BAZ1B: variants seen among roughly 807,000 people sequenced by gnomAD.
The protein encoded by BAZ1B is bromodomain adjacent to zinc finger domain 1B.
A neutral mutation model predicts 153.8 loss-of-function variants in BAZ1B; 22 were observed. The ratio of observed to expected loss-of-function variants is 0.14; its 90% CI spans 0.10 to 0.20. BAZ1B has a LOEUF of 0.20. Among genes scored for constraint, BAZ1B ranks in the 10% least tolerant of loss-of-function variants. BAZ1B has a pLI of 1.00. For missense variants in BAZ1B, 1,325 were observed against 1,799.3 expected (o/e 0.74, Z 4.77); for synonymous variants, 676 against 633.4 (o/e 1.07, Z -1.01).
At position 73,442,328 on chromosome 7, in the gene BAZ1B, C is replaced by T. The variant is rs1011614418; in HGVS notation, c.4320G>A (p.Leu1440=). The T allele has an allele frequency of 5.6e-6, 9 of 1,614,064 alleles. No individual in the cohort carries two copies. Among genetic ancestry groups the T allele is most frequent in the Middle Eastern group, 1.6e-4 (1 of 6,084 alleles). The change falls in exon 19 of 20, where the codon TTG becomes TTA. Residue 1440 remains leucine, a synonymous_variant. Coordinates refer to ENST00000339594, the MANE Select transcript of BAZ1B (RefSeq NM_032408.4). ...ATGGGTGGCCAGGAAGGTGTTTATG[C>T]AACAGAGCCACTAGACACTGTTCTG... ...VKTEQCLVAL[L]HKHLPGHPYV... is the part of the protein sequence containing the mutation.
At chr7:73,456,521 C>A (rs1185530770) in intron 13 of BAZ1B, among the ~76,000 whole-genome samples, 2 of 152,018 alleles carry the variant, frequency 1.3e-5, no homozygotes, top group Non-Finnish European at 2.9e-5. Context: ...ATAAGGTAGA[C>A]AAATGGACAA....
At chr7:73,503,693 T>C (rs782165326) in intron 3 of BAZ1B, among the ~76,000 whole-genome samples, 1 of 152,164 alleles carries the variant, frequency 6.6e-6, no homozygotes, top group Non-Finnish European at 1.5e-5. Context: ...CTCAAACATT[T>C]CTTCTTTCAC....
Position 73,450,720 on chromosome 7 carries a change from G to C in BAZ1B, c.3580+127C>G. On this transcript the variant is annotated intron_variant, in intron 14 of 19. Transcript: ENST00000339594. This position sits in a 1 kb window ranked among gnomAD's most constrained non-coding sequence, Gnocchi z 4.1. ...AGACTGGCATGTTACAGACCTGCAG[G>C]AGAGTAAAATCTATACCACACTTAT... 2 of 1,103,352 alleles carry C rather than the reference G, an allele frequency of 1.8e-6. No individual in the cohort carries two copies. The highest frequency in any genetic ancestry group is 2.6e-6 in the Non-Finnish European group (2 of 770,672). 68.3% of individuals were successfully genotyped at this position (1,103,352 alleles called of 1,614,324 possible).
At chr7:73,472,691 C>T (rs1003543042) in intron 7 of BAZ1B, among the ~76,000 whole-genome samples, 5 of 152,212 alleles carry the variant, frequency 3.3e-5, no homozygotes, top group South Asian at 4.1e-4. Context: ...ATTCTCCTGC[C>T]GCAGCCTCCC....
rs1787660737 is a variant in BAZ1B at position 73,442,478 on chromosome 7, C to T, written c.4170G>A (p.Gln1390=). 1 of 1,614,240 alleles carries T rather than the reference C, an allele frequency of 6.2e-7. No individual in the cohort carries two copies. Among genetic ancestry groups the T allele is most frequent in the Non-Finnish European group, 8.5e-7 (1 of 1,180,052 alleles). ...GGTAGCTCCCACAGGAACATTTGTT[C>T]TGCACTGTCTGAAAGTCCATGGGGT... ...ITHPMDFQTV[Q]NKCSCGSYRS... The change falls in exon 19 of 20, where the codon CAG becomes CAA. Residue 1390 remains glutamine, a synonymous_variant. Transcript: ENST00000339594.
In BAZ1B at chr7:73,450,189, A is replaced by G. The variant is rs1007012459; in HGVS notation, c.3581-500T>C. Among the ~76,000 whole-genome samples the G allele has an allele frequency of 1.3e-5, 2 of 152,170 alleles. No homozygotes were observed. The highest frequency in any genetic ancestry group is 2.9e-5 in the Non-Finnish European group (2 of 68,030). On this transcript the variant is annotated intron_variant, in intron 14 of 19. Coordinates refer to ENST00000339594, the MANE Select transcript of BAZ1B (RefSeq NM_032408.4). This position sits in a 1 kb window ranked among gnomAD's most constrained non-coding sequence, Gnocchi z 4.1. ...CAGCCTCCCAAAGTGCTGGGATTACAGGCGTGAGCCACCGCGCCCGGCCCC... is the reference window on the plus strand; with the variant it reads ...CAGCCTCCCAAAGTGCTGGGATTACGGGCGTGAGCCACCGCGCCCGGCCCC...
At position 73,450,799 on chromosome 7, in the gene BAZ1B, A is replaced by G. The variant is rs1554568016; in HGVS notation, c.3580+48T>C. ...AGAAATGAAGATCTTGGGAATAGAA[A>G]TCCTACTCCCTAATATACCCACATA... On this transcript the variant is annotated intron_variant, in intron 14 of 19. Coordinates refer to ENST00000339594, the MANE Select transcript of BAZ1B (RefSeq NM_032408.4). This position sits in a 1 kb window ranked among gnomAD's most constrained non-coding sequence, Gnocchi z 4.1. 1 of 1,590,708 alleles carries G rather than the reference A, an allele frequency of 6.3e-7. No individual in the cohort carries two copies. Among genetic ancestry groups the G allele is most frequent in the Non-Finnish European group, 8.6e-7 (1 of 1,160,820 alleles).
At chr7:73,482,024 G>A (rs1789222169) in intron 6 of BAZ1B, among the ~76,000 whole-genome samples, 1 of 152,176 alleles carries the variant, frequency 6.6e-6, no homozygotes, top group South Asian at 2.1e-4. Flanking sequence ...GGGAGAAAGA[G>A]CGAGACTCTG....
At chr7:73,464,224 G>A (rs1449136539) in intron 11 of BAZ1B, 41 of 937,462 alleles carry the variant, frequency 4.4e-5, no homozygotes, top group Non-Finnish European at 5.2e-5. Context: ...ATTGAGCACA[G>A]AGTCAGCAAT....
chr7:73,502,530 T>C (rs539704528), intron 3 of BAZ1B, among the ~76,000 whole-genome samples: 4 of 149,970 alleles, frequency 2.7e-5, no homozygotes, highest in Non-Finnish European at 4.4e-5. Flanking sequence ...AGCTCAGGAG[T>C]TCAAGAACAG....
chr7:73,451,516 G>A (rs1467880352), intron 13 of BAZ1B, among the ~76,000 whole-genome samples: 3 of 152,208 alleles, frequency 2.0e-5, no homozygotes, highest in South Asian at 2.1e-4. Flanking sequence ...CTGTTCCGAA[G>A]TGGGGTACTA....
intron 1 of BAZ1B, among the ~76,000 whole-genome samples, chr7:73,516,646 G>A (rs1790809387): frequency 6.6e-6 from 1 of 151,414 alleles, no homozygotes; most frequent in Non-Finnish European, 1.5e-5. Context: ...ATGGTGGCAG[G>A]CGCCTGTAAT....
chr7:73,504,650 C>G (rs1358338965), intron 3 of BAZ1B, among the ~76,000 whole-genome samples: 3 of 151,472 alleles, frequency 2.0e-5, no homozygotes, highest in African/African-American at 7.3e-5. Context: ...GGCGACAGAG[C>G]GAGACTCTGT....
chr7:73,511,287 A>T (rs889074017), intron 1 of BAZ1B, among the ~76,000 whole-genome samples: 9 of 152,034 alleles, frequency 5.9e-5, no homozygotes, highest in Non-Finnish European at 1.0e-4. Flanking sequence ...AAAATAAAAA[A>T]AAATGAAAAA....
At chr7:73,510,629 A>G in intron 2 of BAZ1B, 107 bp downstream of exon 2, 1 of 1,075,810 alleles carries the variant, frequency 9.3e-7, no homozygotes, top group South Asian at 1.4e-5. Context: ...AATATAGTCT[A>G]ATTTGTGCCC....
At chr7:73,449,476 C>A (rs1787954180) in intron 15 of BAZ1B, 66 bp downstream of exon 15, 31 of 1,511,188 alleles carry the variant, frequency 2.1e-5, no homozygotes, top group Non-Finnish European at 2.7e-5. Context: ...TTGAATAACT[C>A]AAGCTTAATT....
chr7:73,493,832 C>T (rs779538519), intron 4 of BAZ1B, among the ~76,000 whole-genome samples: 2 of 143,566 alleles, frequency 1.4e-5, no homozygotes, highest in African/African-American at 5.3e-5. Context: ...GAGTGAAACC[C>T]TGTCTCCAAA....
intron 1 of BAZ1B, 40 bp downstream of exon 1, chr7:73,521,787 A>C: frequency 6.9e-7 from 1 of 1,459,610 alleles, no homozygotes; most frequent in Non-Finnish European, 9.1e-7. Context: ...ACCCCGGCCC[A>C]GCCCGGCCCA....
chr7:73,505,348 C>G (rs35475338), intron 3 of BAZ1B, among the ~76,000 whole-genome samples: 4,889 of 152,276 alleles, frequency 0.032, 108 homozygotes, highest in Middle Eastern at 0.058. Context: ...CTGAGAAGAA[C>G]AGAACAGAAA....
Sources: gnomAD v4.1 joint callset for allele counts (sites outside exome capture counted in the v4.1 genomes callset) on GRCh38, gnomAD v4.1.1 for gene constraint, Gnocchi (gnomAD v3.1) non-coding constraint, MANE v1.5 for transcripts, NCBI Gene and HGNC (gene_info 2026-07-23, HGNC 2026-07-21) for gene names.